Variants in CRB1 observed in about 807,000 individuals in gnomAD.
The protein encoded by CRB1 is protein crumbs homolog 1.
Under a neutral mutation model 120.0 loss-of-function variants are expected in CRB1, and 83 were observed. The observed-to-expected ratio is 0.69, with a 90% CI of 0.58 to 0.83. The LOEUF (loss-of-function observed/expected upper bound fraction) is 0.83, where lower values mean the gene tolerates loss of function less well. CRB1 is among the 40% of genes least tolerant of loss of function. The pLI is 0.00. For synonymous variants in CRB1, 625 were observed against 612.5 expected (o/e 1.02, Z -0.30); for missense variants, 1,699 against 1,687.6 (o/e 1.01, Z -0.12).
intron 4 of CRB1, among the ~76,000 whole-genome samples, chr1:197,350,082 G>T (rs999623454): frequency 1.3e-5 from 2 of 150,722 alleles, no homozygotes; most frequent in Non-Finnish European, 3.0e-5. Flanking sequence ...AGTCCGGCCT[G>T]GGCGACAGAG....
chr1:197,235,546 G>A, the CRB1 span, among the ~76,000 whole-genome samples: 104 of 152,258 alleles, frequency 6.8e-4, no homozygotes, highest in Admixed American at 2.4e-3. Context: ...TGCCTCAGTG[G>A]ATAGGCTGCC....
chr1:197,222,384 T>C, the CRB1 span: 1 of 764,534 alleles, frequency 1.3e-6, no homozygotes. Context: ...GGAAAACCTT[T>C]CTTGGCCAGG....
upstream of CRB1, chr1:197,268,161 C>G (rs1654704008): frequency 2.2e-6 from 1 of 464,880 alleles, no homozygotes; most frequent in Non-Finnish European, 4.0e-6. Context: ...TGAATCCAAT[C>G]CAGCCTGAAA....
chr1:197,445,431 A>C (rs886262670), intron 11 of CRB1, among the ~76,000 whole-genome samples: 29 of 152,160 alleles, frequency 1.9e-4, no homozygotes, highest in Non-Finnish European at 4.4e-5. Flanking sequence ...AGAGACAACT[A>C]AGTTCAATTA....
At chr1:197,285,854 A>C (rs961481525) in intron 1 of CRB1, among the ~76,000 whole-genome samples, 8 of 151,952 alleles carry the variant, frequency 5.3e-5, no homozygotes, top group African/African-American at 1.9e-4. Context: ...TAGAGTTGAA[A>C]CATTCTCAAT....
chr1:197,424,650 T>C (rs1159734836), intron 6 of CRB1, among the ~76,000 whole-genome samples: 1 of 152,202 alleles, frequency 6.6e-6, no homozygotes, highest in Non-Finnish European at 1.5e-5. Context: ...CATTGACTTT[T>C]TGGCAGCCAC....
At chr1:197,223,056 C>A in the CRB1 span, 2 of 790,474 alleles carry the variant, frequency 2.5e-6, no homozygotes, top group Non-Finnish European at 4.6e-6. Context: ...ATCTTTGAGG[C>A]AAAATAAGTG....
chr1:197,243,035 T>G, the CRB1 span, among the ~76,000 whole-genome samples: 1 of 152,150 alleles, frequency 6.6e-6, no homozygotes, highest in South Asian at 2.1e-4. Context: ...TTTATCATTT[T>G]TTATTGCATC....
the CRB1 span, chr1:197,222,228 G>A: frequency 4.0e-6 from 2 of 500,002 alleles, no homozygotes; most frequent in Non-Finnish European, 7.6e-6. Flanking sequence ...CACCATGATT[G>A]TGTTTGCCGT....
At position 197,472,839 on chromosome 1, in the gene CRB1, C is replaced by T. The variant is rs1667039496; in HGVS notation, c.4006-4825C>T. 2.0e-5 allele frequency among the ~76,000 whole-genome samples: 3 copies of T among 152,048 alleles called. No individual in the cohort carries two copies. In the South Asian group the frequency reaches 6.2e-4, roughly 32 times the overall value. ...AGTGGATGGTAGGAGTTCTGAAATC[C>T]AAACAGGATCAAGAAAATCAATCAG... On this transcript the variant is annotated intron_variant, in intron 11 of 11. Coordinates refer to ENST00000367400, the MANE Select transcript of CRB1 (RefSeq NM_201253.3).
chr1:197,210,243 T>C, the CRB1 span, among the ~76,000 whole-genome samples: 1 of 152,214 alleles, frequency 6.6e-6, no homozygotes, highest in Non-Finnish European at 1.5e-5. Flanking sequence ...TGCCCAATTA[T>C]GTGGTCAAAC....
At chr1:197,230,212 A>G in the CRB1 span, among the ~76,000 whole-genome samples, 18 of 152,326 alleles carry the variant, frequency 1.2e-4, no homozygotes, top group African/African-American at 4.3e-4. Context: ...ATAAAGTCTT[A>G]ATCCATTCAG....
At chr1:197,294,909 G>A (rs574553859) in intron 1 of CRB1, among the ~76,000 whole-genome samples, 1 of 152,178 alleles carries the variant, frequency 6.6e-6, no homozygotes, top group East Asian at 1.9e-4. Context: ...CCTGTCGTGG[G>A]GTAGAGGGAG....
At position 197,421,715 on chromosome 1, in the gene CRB1, C is replaced by T. The variant is rs1664336318; in HGVS notation, c.1887C>T (p.Asn629=). The change falls in exon 6 of 12, where the codon AAC becomes AAT. Residue 629 remains asparagine, a synonymous_variant. Coordinates refer to ENST00000367400, the MANE Select transcript of CRB1 (RefSeq NM_201253.3). The part of the protein sequence containing the change: ...GMTSNGVALL[N]FYNMPSTPSF... ...CCAGCAATGGTGTTGCTCTGCTTAA[C>T]TTCTATAATATGCCATCCACACCTT... The T allele has an allele frequency of 1.2e-6, 2 of 1,614,182 alleles. No homozygotes were observed. The highest frequency in any genetic ancestry group is 1.7e-6 in the Non-Finnish European group (2 of 1,180,038).
intron 5 of CRB1, among the ~76,000 whole-genome samples, chr1:197,405,517 GC>G (rs1663314682): frequency 6.6e-6 from 1 of 152,026 alleles, no homozygotes; most frequent in Non-Finnish European, 1.5e-5. Flanking sequence ...GAAGTGAGGA[GC>G]GTCTCTGCCT....
the CRB1 span, among the ~76,000 whole-genome samples, chr1:197,211,923 T>C: frequency 6.6e-6 from 1 of 151,720 alleles, no homozygotes; most frequent in Non-Finnish European, 1.5e-5. Context: ...TAAAAAGAAC[T>C]CTTAACTAAT....
At chr1:197,379,617 A>AC (rs1661838870) in intron 5 of CRB1, among the ~76,000 whole-genome samples, 1 of 151,296 alleles carries the variant, frequency 6.6e-6, no homozygotes, top group Non-Finnish European at 1.5e-5. Context: ...AAAAAAAAAA[A>AC]AAAAAAAAAA....
intron 11 of CRB1, among the ~76,000 whole-genome samples, chr1:197,457,041 A>T (rs545781601): frequency 6.6e-6 from 1 of 152,250 alleles, no homozygotes; most frequent in African/African-American, 2.4e-5. Context: ...TTTAAAGAAT[A>T]TGTTGCTCAT....
rs1208641510 is a variant in CRB1, at chr1:197,328,990, C to G, written c.639C>G (p.Pro213=). The G allele has an allele frequency of 3.7e-6, 6 of 1,612,204 alleles. No homozygotes were observed. The highest frequency in any genetic ancestry group is 5.1e-6 in the Non-Finnish European group (6 of 1,179,626). ...TAGGAAGATATACTTGTATCTGTCCCCACAATTATTCTGGTAAGTGTGATC... is the reference window on the plus strand; with the variant it reads ...TAGGAAGATATACTTGTATCTGTCCGCACAATTATTCTGGTAAGTGTGATC... The part of the protein sequence containing the change: ...NEIGRYTCIC[P]HNYSGVNCEL... The change falls in exon 2 of 12, where the codon CCC becomes CCG. Residue 213 remains proline, a synonymous_variant. Coordinates refer to ENST00000367400, the MANE Select transcript of CRB1 (RefSeq NM_201253.3).
Sources: gnomAD v4.1 joint callset for allele counts (sites outside exome capture counted in the v4.1 genomes callset) on GRCh38, gnomAD v4.1.1 for gene constraint, MANE v1.5 for transcripts, NCBI Gene and HGNC (gene_info 2026-07-23, HGNC 2026-07-21) for gene names.